Variants in PROKR1 observed in about 807,000 individuals in gnomAD.
PROKR1 encodes G protein-coupled receptor 73.
PROKR1 carries 21 observed loss-of-function variants against 22.8 expected under a neutral mutation model. The ratio of observed to expected loss-of-function variants is 0.92; its 90% CI spans 0.65 to 1.32. The LOEUF (loss-of-function observed/expected upper bound fraction) is 1.32. Among genes scored for constraint, PROKR1 ranks in the 40% most tolerant of loss-of-function variants. PROKR1 has a pLI of 0.00. For missense variants in PROKR1, 548 were observed against 514.2 expected, an observed-to-expected ratio of 1.07 and a Z score of -0.64; for synonymous variants, 193 against 207.5, an observed-to-expected ratio of 0.93 and a Z score of 0.60.
intron 1 of PROKR1, among the ~76,000 whole-genome samples, 181 bp from the exon 2 acceptor site, chr2:68,645,481 C>T (rs968647795): frequency 2.6e-5 from 4 of 152,308 alleles, no homozygotes; most frequent in Admixed American, 1.3e-4. Context: ...AGCAATCCAC[C>T]CTTCCCTAAT....
chr2:68,650,404 A>T (rs1673289491), intron 2 of PROKR1, among the ~76,000 whole-genome samples: 1 of 152,156 alleles, frequency 6.6e-6, no homozygotes, highest in Admixed American at 6.5e-5. Flanking sequence ...TTTATATATT[A>T]AAAATAAATT....
chr2:68,646,224 G>A lies in PROKR1; in HGVS notation c.403G>A (p.Val135Ile), dbSNP rs372567384. 7.9e-5 allele frequency: 128 copies of A among 1,613,718 alleles called. No individual in the cohort carries two copies. Among genetic ancestry groups the A allele is most frequent in the Middle Eastern group, 5.0e-4 (3 of 6,060 alleles). The change falls in exon 2 of 3, where the codon GTC becomes ATC. Residue 135 changes from valine (V) to isoleucine (I), a missense_variant. Val to Ile is a conservative substitution (Grantham distance 29). Coordinates refer to ENST00000303786, the MANE Select transcript of PROKR1 (RefSeq NM_138964.4). ...VRQLSWEHGH[V>I]LCTSVNYLRT... is the part of the protein sequence containing the mutation. ...CCAGCTCTCCTGGGAGCACGGCCAC[G>A]TCCTGTGCACCTCTGTCAACTACCT...
Position 68,654,997 on chromosome 2 carries a change from C to T in PROKR1, c.603C>T (p.Thr201=), listed in dbSNP as rs771448854. 2 of 1,613,550 alleles carry T rather than the reference C, an allele frequency of 1.2e-6. No individual in the cohort carries two copies. The highest frequency in any genetic ancestry group is 1.7e-6 in the Non-Finnish European group (2 of 1,179,986). ...TCGCCATCCCTTCCGCCTACTTCAC[C>T]ACCGAGACGGTCCTCGTCATTGTCA... ...ILIAIPSAYF[T]TETVLVIVKS... is the part of the protein sequence containing the mutation. Residue 201 remains threonine, a synonymous_variant, in exon 3 of 3, where the codon ACC becomes ACT. Transcript: ENST00000303786.
chr2:68,655,109 A>G lies in PROKR1; in HGVS notation c.715A>G (p.Ile239Val), dbSNP rs747403525. ...YKSYFLFIFG[I>V]EFVGPVVTMT... ...GTCCTACTTCCTCTTTATCTTTGGCATAGAATTCGTGGGCCCCGTGGTCAC... is the reference window on the plus strand; with the variant it reads ...GTCCTACTTCCTCTTTATCTTTGGCGTAGAATTCGTGGGCCCCGTGGTCAC... Residue 239 changes from isoleucine to valine, a missense_variant, in exon 3 of 3, where the codon ATA becomes GTA. Physicochemically the swap from Ile to Val is conservative, Grantham distance 29. Transcript: ENST00000303786. 1.1e-5 allele frequency: 18 copies of G among 1,613,952 alleles called. No homozygotes were observed. The highest frequency in any genetic ancestry group is 1.6e-4 in the Middle Eastern group (1 of 6,084).
chr2:68,654,949 G>C lies in PROKR1; in HGVS notation c.555G>C (p.Leu185Phe). Residue 185 changes from leucine to phenylalanine, a missense_variant, in exon 3 of 3, where the codon TTG becomes TTC. Leu to Phe is a conservative substitution (Grantham distance 22). Coordinates refer to ENST00000303786, the MANE Select transcript of PROKR1 (RefSeq NM_138964.4). Reference protein sequence around the residue: ...KCQTATGLIALVWTVSILIAI... With the variant: ...KCQTATGLIAFVWTVSILIAI... ...AAACAGCCACTGGCCTGATTGCCTT[G>C]GTGTGGACGGTGTCCATCCTGATCG... The C allele has an allele frequency of 1.2e-6, 2 of 1,613,716 alleles. No individual in the cohort carries two copies. The highest frequency in any genetic ancestry group is 1.7e-6 in the Non-Finnish European group (2 of 1,179,998).
chr2:68,656,681 T>C lies in PROKR1; in HGVS notation c.*1105T>C, dbSNP rs1411039263. ...AGAGTTCCCTCCTAACCAGACAGCA[T>C]GGTAAGGTATCCTCATCGATATGAT... is the stretch of plus-strand genomic sequence containing the variant. On this transcript the variant is annotated 3_prime_UTR_variant, in exon 3 of 3. Transcript: ENST00000303786. 1 of 152,178 alleles carries C rather than the reference T, an allele frequency of 6.6e-6. No homozygotes were observed. Among genetic ancestry groups the C allele is most frequent in the Non-Finnish European group, 1.5e-5 (1 of 68,030 alleles). The allele number at this position is 152,178 out of a possible 1,614,324, so 9.4% of individuals were successfully genotyped here.
intron 2 of PROKR1, among the ~76,000 whole-genome samples, chr2:68,647,282 TG>T (rs1357569136): frequency 2.0e-5 from 3 of 152,204 alleles, no homozygotes; most frequent in Admixed American, 6.5e-5. Flanking sequence ...CTTGTGCTAA[TG>T]GGCCAGGCTG....
Position 68,646,051 on chromosome 2 carries a change from G to A in PROKR1, c.230G>A (p.Gly77Asp), listed in dbSNP as rs768440428. 2 of 1,614,274 alleles carry A rather than the reference G, an allele frequency of 1.2e-6. No homozygotes were observed. The highest frequency in any genetic ancestry group is 1.1e-5 in the South Asian group (1 of 91,090). The change falls in exon 2 of 3, where the codon GGC (glycine) becomes GAC (aspartate). Residue 77 changes from glycine to aspartate, a missense_variant. Coordinates refer to ENST00000303786, the MANE Select transcript of PROKR1 (RefSeq NM_138964.4). ...CTGGTGGGCATCATGCTGGTCTGCG[G>A]CATTGGAAACTTCATCTTTATCGCT... Reference protein sequence around the residue: ...MALVGIMLVCGIGNFIFIAAL... With the variant: ...MALVGIMLVCDIGNFIFIAAL...
chr2:68,650,699 G>T (rs771741429), intron 2 of PROKR1, among the ~76,000 whole-genome samples: 2 of 152,056 alleles, frequency 1.3e-5, no homozygotes, highest in Non-Finnish European at 2.9e-5. Flanking sequence ...GGGGTAGGGT[G>T]GGACCAGGGA....
rs1573341119 is a variant in PROKR1 at position 68,656,986 on chromosome 2, C to T, written c.*1410C>T. 1 of 152,338 alleles carries T rather than the reference C, an allele frequency of 6.6e-6. No homozygotes were observed. The highest frequency in any genetic ancestry group is 1.9e-4 in the East Asian group (1 of 5,188). The allele number at this position is 152,338 out of a possible 1,614,324, so 9.4% of individuals were successfully genotyped here. A position where few individuals can be genotyped will look rare whatever the true frequency, so the allele number is the denominator to read the frequency against. On this transcript the variant is annotated 3_prime_UTR_variant, in exon 3 of 3. Transcript: ENST00000303786. ...CAGTGACCCCATAGGTTGTTGAAGACTCATCCCACTTTCTAACCTGCCTCC... is the reference window on the plus strand; with the variant it reads ...CAGTGACCCCATAGGTTGTTGAAGATTCATCCCACTTTCTAACCTGCCTCC...
chr2:68,652,340 A>G (rs541426767), intron 2 of PROKR1, among the ~76,000 whole-genome samples: 16 of 152,364 alleles, frequency 1.1e-4, no homozygotes, highest in African/African-American at 3.6e-4. Context: ...CTAATGCTAG[A>G]GTTCTGGAGT....
chr2:68,647,133 T>G (rs997121138), intron 2 of PROKR1, among the ~76,000 whole-genome samples: 1 of 152,256 alleles, frequency 6.6e-6, no homozygotes, highest in African/African-American at 2.4e-5. Flanking sequence ...TACTTTTTGT[T>G]GTTGCATTAA....
chr2:68,647,642 C>T (rs1558578043), intron 2 of PROKR1, among the ~76,000 whole-genome samples: 1 of 151,942 alleles, frequency 6.6e-6, no homozygotes, highest in Non-Finnish European at 1.5e-5. Flanking sequence ...AGGGGGTTAC[C>T]AAGGAACCTC....
At position 68,646,326 on chromosome 2, in the gene PROKR1, G is replaced by A; in HGVS notation, c.485+20G>A. 1 of 1,613,964 alleles carries A rather than the reference G, an allele frequency of 6.2e-7. No homozygotes were observed. The highest frequency in any genetic ancestry group is 1.7e-5 in the Admixed American group (1 of 60,030). Reference sequence around the variant, plus strand: ...TGACAGGTGAGTGCAGCAGCAGTGGGGACAACAAAGGCGGTCAGGGAGGAA... The same window carrying A: ...TGACAGGTGAGTGCAGCAGCAGTGGAGACAACAAAGGCGGTCAGGGAGGAA... On this transcript the variant is annotated intron_variant, in intron 2 of 2. Transcript: ENST00000303786.
rs1673116942 is a variant in PROKR1 at position 68,643,767 on chromosome 2, C to G, written c.-242C>G. ...GAGCGGGGACCTGCCCTTCGCCTGC[C>G]GGCTTCTGGAAGAAGCGTCTCCTGA... is the stretch of plus-strand genomic sequence containing the variant. On this transcript the variant is annotated 5_prime_UTR_variant, in exon 1 of 3. Transcript: ENST00000303786. The G allele has an allele frequency of 6.6e-6, 1 of 152,322 alleles. No individual in the cohort carries two copies. Among genetic ancestry groups the G allele is most frequent in the Non-Finnish European group, 1.5e-5 (1 of 68,104 alleles). 9.4% of individuals were successfully genotyped at this position (152,322 alleles called of 1,614,324 possible). A position where few individuals can be genotyped will look rare whatever the true frequency, so the allele number is the denominator to read the frequency against.
In PROKR1 at chr2:68,646,165, G is replaced by T; in HGVS notation, c.344G>T (p.Cys115Phe). 6.2e-7 allele frequency: 1 copy of T among 1,607,968 alleles called. No homozygotes were observed. Among genetic ancestry groups the T allele is most frequent in the South Asian group, 1.1e-5 (1 of 90,056 alleles). The change falls in exon 2 of 3, where the codon TGC (cysteine) becomes TTC (phenylalanine). Residue 115 changes from cysteine to phenylalanine, a missense_variant. Cys to Phe is a radical substitution (Grantham distance 205). Transcript: ENST00000303786. ...TCTGACTTCCTGGTGGCCATTGTCT[G>T]CTGCCCCTTTGAGATGGACTACTAT... ...AISDFLVAIV[C>F]CPFEMDYYVV...
At chr2:68,652,103 G>A (rs1192895564) in intron 2 of PROKR1, among the ~76,000 whole-genome samples, 1 of 152,192 alleles carries the variant, frequency 6.6e-6, no homozygotes, top group Non-Finnish European at 1.5e-5. Flanking sequence ...GAGGCCACTG[G>A]CTTTGCAGCA....
intron 2 of PROKR1, 22 bp from the exon 3 acceptor site, chr2:68,654,858 T>C (rs1558580041): frequency 6.6e-7 from 1 of 1,510,246 alleles, no homozygotes; most frequent in Admixed American, 1.7e-5. Context: ...AGTGGCTGCC[T>C]CCACTTGTGT....
At chr2:68,647,614 A>G (rs772734951) in intron 2 of PROKR1, among the ~76,000 whole-genome samples, 1 of 152,164 alleles carries the variant, frequency 6.6e-6, no homozygotes, top group Non-Finnish European at 1.5e-5. Context: ...GGATGACCGA[A>G]AAGGATAACC....
Sources: gnomAD v4.1 joint callset for allele counts (sites outside exome capture counted in the v4.1 genomes callset) on GRCh38, gnomAD v4.1.1 for gene constraint, MANE v1.5 for transcripts, NCBI Gene and HGNC (gene_info 2026-07-23, HGNC 2026-07-21) for gene names.